FRS2: variants seen among roughly 807,000 people sequenced by gnomAD.
FRS2 encodes fibroblast growth factor receptor substrate 2, also known as FGFR signalling adaptor.
FRS2 carries 8 observed loss-of-function variants against 43.9 expected under a neutral mutation model. The observed-to-expected ratio is 0.18, with a 90% CI of 0.11 to 0.33. The LOEUF is 0.33. Among genes scored for constraint, FRS2 ranks in the 10% least tolerant of loss-of-function variants. FRS2 has a pLI of 1.00. For missense variants in FRS2, 534 were observed against 627.6 expected (o/e 0.85, Z 1.59); for synonymous variants, 219 against 220.3 (o/e 0.99, Z 0.05).
chr12:69,574,125 A>G lies in FRS2; in HGVS notation c.697A>G (p.Ser233Gly), dbSNP rs1308170755. The change falls in exon 9 of 9, where the codon AGT becomes GGT. Residue 233 changes from serine to glycine, a missense_variant. Ser to Gly is a moderately conservative substitution (Grantham distance 56). Coordinates refer to ENST00000549921, the MANE Select transcript of FRS2 (RefSeq NM_001278356.2). Reference protein sequence around the residue: ...AESSTPKEEPSSIEDRDPQIL... With the variant: ...AESSTPKEEPGSIEDRDPQIL... ...AAGCAGCACACCAAAAGAAGAACCA[A>G]GTAGTATTGAGGACAGGGATCCTCA... The G allele has an allele frequency of 5.0e-6, 8 of 1,613,992 alleles. No individual in the cohort carries two copies. Among genetic ancestry groups the G allele is most frequent in the Admixed American group, 1.7e-5 (1 of 60,014 alleles).
chr12:69,568,980 T>C, intron 4 of FRS2, 25 bp from the exon 5 acceptor site: 1 of 1,201,538 alleles, frequency 8.3e-7, no homozygotes, highest in South Asian at 1.4e-5. Flanking sequence ...ATCTAATAAA[T>C]TTTTCCAAAT....
chr12:69,521,573 T>C (rs1875644802), intron 1 of FRS2, among the ~76,000 whole-genome samples: 1 of 152,162 alleles, frequency 6.6e-6, no homozygotes, highest in Non-Finnish European at 1.5e-5. Context: ...TTGAGGTATG[T>C]TCCTTCAGTA....
intron 1 of FRS2, among the ~76,000 whole-genome samples, chr12:69,516,549 A>G (rs1320768501): frequency 2.0e-5 from 3 of 152,190 alleles, no homozygotes; most frequent in African/African-American, 7.2e-5. Flanking sequence ...CCTTCCACAC[A>G]CATGCTCTTG....
At chr12:69,571,859 G>A (rs1036903507) in intron 7 of FRS2, among the ~76,000 whole-genome samples, 8 of 151,988 alleles carry the variant, frequency 5.3e-5, no homozygotes, top group East Asian at 1.9e-4. Flanking sequence ...GCAAGACTCC[G>A]TCTCAAAAAC....
chr12:69,485,630 C>T (rs1444521829), intron 1 of FRS2, among the ~76,000 whole-genome samples: 2 of 152,016 alleles, frequency 1.3e-5, no homozygotes, highest in East Asian at 1.9e-4. Flanking sequence ...TTACAGGCTC[C>T]CGCTTTCATG....
At chr12:69,477,728 A>G (rs1592905126) in intron 1 of FRS2, among the ~76,000 whole-genome samples, 1 of 147,164 alleles carries the variant, frequency 6.8e-6, no homozygotes, top group East Asian at 2.0e-4. Context: ...TTATTTATTT[A>G]TTTATTTATT....
chr12:69,502,747 G>A (rs1345664131), intron 1 of FRS2, among the ~76,000 whole-genome samples: 1 of 152,150 alleles, frequency 6.6e-6, no homozygotes, highest in Non-Finnish European at 1.5e-5. Flanking sequence ...ATGCAGTGTG[G>A]TTTCAAAGCT....
intron 3 of FRS2, among the ~76,000 whole-genome samples, chr12:69,537,590 G>A (rs1877436099): frequency 6.6e-6 from 1 of 151,746 alleles, no homozygotes; most frequent in South Asian, 2.1e-4. Flanking sequence ...ATTTGGCTGT[G>A]TTAAGCCTTT....
chr12:69,518,948 G>A (rs1306494402), intron 1 of FRS2, among the ~76,000 whole-genome samples: 1 of 148,916 alleles, frequency 6.7e-6, no homozygotes, highest in Admixed American at 6.7e-5. Flanking sequence ...CGGGAAGCGG[G>A]TAGCGCCCTT....
At chr12:69,535,658 T>TAA (rs1877201847) in intron 3 of FRS2, among the ~76,000 whole-genome samples, 1 of 152,186 alleles carries the variant, frequency 6.6e-6, no homozygotes, top group African/African-American at 2.4e-5. Context: ...CTTTTTCGGT[T>TAA]ATTAAGTACA....
intron 1 of FRS2, among the ~76,000 whole-genome samples, chr12:69,497,632 G>A (rs221104): frequency 0.6 from 91,235 of 152,062 alleles, 29,089 homozygotes; most frequent in African/African-American, 0.82. Context: ...CATTCAGACC[G>A]TAGCAGATGA....
At chr12:69,486,569 A>G (rs141173766) in intron 1 of FRS2, among the ~76,000 whole-genome samples, 1 of 152,182 alleles carries the variant, frequency 6.6e-6, no homozygotes, top group Non-Finnish European at 1.5e-5. Context: ...AAGTGAAAGG[A>G]GGAGTCACAC....
At chr12:69,559,401 G>T (rs1180600655) in intron 3 of FRS2, among the ~76,000 whole-genome samples, 1 of 151,866 alleles carries the variant, frequency 6.6e-6, no homozygotes, top group Non-Finnish European at 1.5e-5. Flanking sequence ...AAAAAGAGGG[G>T]GTGAGTGGAG....
chr12:69,506,939 A>T (rs954644948), intron 1 of FRS2, among the ~76,000 whole-genome samples: 4 of 152,188 alleles, frequency 2.6e-5, no homozygotes. Context: ...TAGGACTGGT[A>T]GCTTTATAAG....
intron 3 of FRS2, among the ~76,000 whole-genome samples, chr12:69,558,025 T>C (rs1007178137): frequency 3.9e-5 from 6 of 152,150 alleles, no homozygotes; most frequent in South Asian, 2.1e-4. Context: ...AACAAATGAA[T>C]CTCTATATAT....
chr12:69,495,103 T>G (rs1172791987), intron 1 of FRS2, among the ~76,000 whole-genome samples: 1 of 152,070 alleles, frequency 6.6e-6, no homozygotes, highest in Non-Finnish European at 1.5e-5. Flanking sequence ...TTCCCTGGTA[T>G]CGATATGAGG....
intron 1 of FRS2, among the ~76,000 whole-genome samples, chr12:69,485,117 A>ACGCGCG (rs1256620607): frequency 1.1e-4 from 17 of 147,962 alleles, no homozygotes; most frequent in African/African-American, 4.4e-4. Context: ...ACACACACAC[A>ACGCGCG]CACACACACA....
At chr12:69,552,708 A>G (rs958216210) in intron 3 of FRS2, among the ~76,000 whole-genome samples, 2 of 152,124 alleles carry the variant, frequency 1.3e-5, no homozygotes, top group African/African-American at 4.8e-5. Flanking sequence ...CCTGGACAAC[A>G]TAGTGCAACC....
intron 1 of FRS2, among the ~76,000 whole-genome samples, chr12:69,528,321 G>A (rs565652190): frequency 6.6e-6 from 1 of 152,250 alleles, no homozygotes; most frequent in South Asian, 2.1e-4. Flanking sequence ...TTGTTTCCTG[G>A]TGGTCTTGAT....
Sources: gnomAD v4.1 joint callset for allele counts (sites outside exome capture counted in the v4.1 genomes callset) on GRCh38, gnomAD v4.1.1 for gene constraint, MANE v1.5 for transcripts, NCBI Gene and HGNC (gene_info 2026-07-23, HGNC 2026-07-21) for gene names.